The following AFG2A variants were observed in gnomAD, a reference collection of about 807,000 sequenced individuals.
AFG2A encodes the protein ATPase family gene 2 protein homolog A.
the AFG2A span, among the ~76,000 whole-genome samples, chr4:123,074,983 G>A: frequency 9.2e-5 from 14 of 152,062 alleles, no homozygotes; most frequent in South Asian, 2.1e-4. Context: ...TTGCTTTGTC[G>A]CCCAGGCTGG....
chr4:123,214,167 T>C, the AFG2A span, among the ~76,000 whole-genome samples: 1 of 152,288 alleles, frequency 6.6e-6, no homozygotes, highest in East Asian at 1.9e-4. Flanking sequence ...CTTACTCTTG[T>C]CTTAGATTAC....
chr4:123,272,732 A>C, the AFG2A span, among the ~76,000 whole-genome samples: 39 of 152,290 alleles, frequency 2.6e-4, no homozygotes, highest in Admixed American at 6.5e-4. Flanking sequence ...AGTAAGGGCA[A>C]AAACTAGATC....
the AFG2A span, among the ~76,000 whole-genome samples, chr4:122,925,517 T>C: frequency 3.9e-5 from 6 of 152,210 alleles, no homozygotes; most frequent in African/African-American, 1.4e-4. Context: ...ACTCTGCCTA[T>C]ACTCTCCTGA....
At chr4:123,002,633 T>A in the AFG2A span, among the ~76,000 whole-genome samples, 1 of 152,130 alleles carries the variant, frequency 6.6e-6, no homozygotes, top group African/African-American at 2.4e-5. Flanking sequence ...AATATTGGCC[T>A]CCACTCTCTT....
chr4:122,998,330 C>CT, the AFG2A span, among the ~76,000 whole-genome samples: 2 of 151,822 alleles, frequency 1.3e-5, no homozygotes, highest in Non-Finnish European at 2.9e-5. Flanking sequence ...TATTATTATA[C>CT]TTTAAGTTTT....
chr4:122,982,310 A>G, the AFG2A span, among the ~76,000 whole-genome samples: 1 of 152,090 alleles, frequency 6.6e-6, no homozygotes, highest in Non-Finnish European at 1.5e-5. Context: ...ATTGATTTGC[A>G]TATGTTGAAC....
At chr4:123,290,894 G>A in the AFG2A span, among the ~76,000 whole-genome samples, 67 of 152,234 alleles carry the variant, frequency 4.4e-4, no homozygotes, top group South Asian at 7.1e-3. Flanking sequence ...TTGGTGGAGC[G>A]TTTAAGTCTC....
the AFG2A span, among the ~76,000 whole-genome samples, chr4:123,047,299 A>G: frequency 6.6e-6 from 1 of 152,186 alleles, no homozygotes; most frequent in African/African-American, 2.4e-5. Flanking sequence ...TCTAACTTGC[A>G]TAAGATAAGA....
the AFG2A span, among the ~76,000 whole-genome samples, chr4:122,967,074 A>G: frequency 2.0e-5 from 3 of 152,218 alleles, no homozygotes; most frequent in Admixed American, 6.5e-5. Context: ...ATACAAGAAC[A>G]GGGGTTCCAT....
At chr4:123,250,500 G>A in the AFG2A span, among the ~76,000 whole-genome samples, 1 of 152,152 alleles carries the variant, frequency 6.6e-6, no homozygotes, top group South Asian at 2.1e-4. Context: ...CACAAGCAGA[G>A]TTCAGGTGAA....
the AFG2A span, among the ~76,000 whole-genome samples, chr4:123,307,590 G>T: frequency 6.6e-6 from 1 of 152,134 alleles, no homozygotes; most frequent in Non-Finnish European, 1.5e-5. Flanking sequence ...GGAAAATCCC[G>T]TAATCTTAGG....
the AFG2A span, among the ~76,000 whole-genome samples, chr4:123,005,113 G>A: frequency 6.6e-6 from 1 of 151,836 alleles, no homozygotes; most frequent in Non-Finnish European, 1.5e-5. Context: ...CTTGGCTAGA[G>A]GTCTGTCATT....
the AFG2A span, chr4:123,318,678 T>G: frequency 6.6e-6 from 1 of 151,686 alleles, no homozygotes; most frequent in Admixed American, 6.6e-5. Flanking sequence ...TCCCAGCTAC[T>G]CGGTCGGGGG....
the AFG2A span, among the ~76,000 whole-genome samples, chr4:123,286,912 A>G: frequency 1.3e-5 from 2 of 151,956 alleles, no homozygotes; most frequent in African/African-American, 2.4e-5. Context: ...AAGTACCAGC[A>G]CCCCAAAGTC....
the AFG2A span, among the ~76,000 whole-genome samples, chr4:123,042,048 C>T: frequency 6.6e-6 from 1 of 152,116 alleles, no homozygotes; most frequent in Non-Finnish European, 1.5e-5. Context: ...CTTATTTTTG[C>T]TCTTAACTTT....
At chr4:122,947,248 C>A in the AFG2A span, 1 of 1,596,122 alleles carries the variant, frequency 6.3e-7, no homozygotes, top group East Asian at 2.3e-5. Flanking sequence ...AAGTGAAGGA[C>A]AAGTGTTGGT....
At chr4:122,933,328 T>A in the AFG2A span, 1 of 809,968 alleles carries the variant, frequency 1.2e-6, no homozygotes. Flanking sequence ...TGCAGGTGGA[T>A]TATTCTTTTG....
At chr4:123,162,899 T>C in the AFG2A span, among the ~76,000 whole-genome samples, 1 of 152,226 alleles carries the variant, frequency 6.6e-6, no homozygotes, top group Non-Finnish European at 1.5e-5. Flanking sequence ...AGATTAATAA[T>C]AATGTTTATG....
At chr4:123,163,641 T>TA in the AFG2A span, among the ~76,000 whole-genome samples, 5 of 152,164 alleles carry the variant, frequency 3.3e-5, no homozygotes, top group Non-Finnish European at 5.9e-5. Context: ...TTTACAGACT[T>TA]ACGTGGATTG....
Sources: allele counts gnomAD v4.1 joint callset (sites outside exome capture counted in the v4.1 genomes callset), GRCh38; gene constraint gnomAD v4.1.1; transcripts MANE v1.5; gene names NCBI Gene and HGNC (gene_info 2026-07-23, HGNC 2026-07-21).